The following PPP2R1A variants were observed in gnomAD, a reference collection of about 807,000 sequenced individuals.
PPP2R1A encodes the protein serine/threonine-protein phosphatase 2A 65 kDa regulatory subunit A alpha isoform.
A neutral mutation model predicts 67.1 loss-of-function variants in PPP2R1A; 15 were observed. The observed-to-expected ratio is 0.22, with a 90% CI of 0.15 to 0.34. The LOEUF is 0.34. Among genes scored for constraint, PPP2R1A ranks in the 10% least tolerant of loss-of-function variants. PPP2R1A has a pLI of 1.00. For synonymous variants in PPP2R1A, 337 were observed against 325.0 expected, an observed-to-expected ratio of 1.04 and a Z score of -0.40; for missense variants, 369 against 775.0, an observed-to-expected ratio of 0.48 and a Z score of 6.22.
rs2089677066 is a variant in PPP2R1A at position 52,212,259 on chromosome 19, A to G, written c.504-427A>G. 6.6e-6 allele frequency among the ~76,000 whole-genome samples: 1 copy of G among 152,026 alleles called. No individual in the cohort carries two copies. Among genetic ancestry groups the G allele is most frequent in the African/African-American group, 2.4e-5 (1 of 41,386 alleles). ...CAACACCACGCTGGGCTCATTTTTT[A>G]TTTTTGGCAGAGATGGGGTCTCACT... On this transcript the variant is annotated intron_variant, in intron 4 of 14. Coordinates refer to ENST00000322088, the MANE Select transcript of PPP2R1A (RefSeq NM_014225.6). This position sits in a 1 kb window ranked among gnomAD's most constrained non-coding sequence, Gnocchi z 4.1.
In PPP2R1A at chr19:52,226,060, G is replaced by C; in HGVS notation, c.*79G>C. On this transcript the variant is annotated 3_prime_UTR_variant, in exon 15 of 15. Transcript: ENST00000322088. ...AGTCCCTCTTTGGGGAGACACTGGG[G>C]GGCCTTTGGCTGTCACTCCCTGTGC... is the stretch of plus-strand genomic sequence containing the variant. 1.2e-6 allele frequency: 2 copies of C among 1,607,542 alleles called. No individual in the cohort carries two copies. Among genetic ancestry groups the C allele is most frequent in the South Asian group, 2.2e-5 (2 of 90,888 alleles).
intron 10 of PPP2R1A, 122 bp from the exon 11 acceptor site, chr19:52,220,067 G>T: frequency 7.8e-7 from 1 of 1,279,320 alleles, no homozygotes; most frequent in Admixed American, 1.9e-5. Context: ...GAGCACCTCA[G>T]ACAAAGTTGA....
rs1486590815 is a variant in PPP2R1A at position 52,202,045 on chromosome 19, G to T, written c.169+11G>T. Reference sequence around the variant, plus strand: ...TGCCTTTCCTTACAGGTAACAAAGGGGACCCCTGGGGCCCAGATGTGGGGA... The same window carrying T: ...TGCCTTTCCTTACAGGTAACAAAGGTGACCCCTGGGGCCCAGATGTGGGGA... On this transcript the variant is annotated intron_variant, in intron 2 of 14. Transcript: ENST00000322088. The T allele has an allele frequency of 6.2e-7, 1 of 1,611,630 alleles. No homozygotes were observed. Among genetic ancestry groups the T allele is most frequent in the Admixed American group, 1.7e-5 (1 of 60,018 alleles).
At position 52,212,918 on chromosome 19, in the gene PPP2R1A, C is replaced by T. The variant is rs767856334; in HGVS notation, c.652-37C>T. The T allele has an allele frequency of 2.0e-5, 32 of 1,568,540 alleles. No individual in the cohort carries two copies. Among genetic ancestry groups the T allele is most frequent in the Non-Finnish European group, 2.7e-5 (31 of 1,156,118 alleles). On this transcript the variant is annotated intron_variant, in intron 5 of 14. Coordinates refer to ENST00000322088, the MANE Select transcript of PPP2R1A (RefSeq NM_014225.6). This position sits in a 1 kb window ranked among gnomAD's most constrained non-coding sequence, Gnocchi z 4.1. Reference sequence around the variant, plus strand: ...AGAGAATCCCAGAGCTCAGCAAGGCCTCTGCTGCCCTCCCACTGTTCCTCT... The same window carrying T: ...AGAGAATCCCAGAGCTCAGCAAGGCTTCTGCTGCCCTCCCACTGTTCCTCT...
intron 10 of PPP2R1A, 86 bp from the exon 11 acceptor site, chr19:52,220,103 G>A (rs919104386): frequency 1.4e-6 from 2 of 1,443,830 alleles, no homozygotes; most frequent in Non-Finnish European, 1.9e-6. Flanking sequence ...TCTAGGGTGG[G>A]TGTAGGTTCC....
intron 6 of PPP2R1A, among the ~76,000 whole-genome samples, chr19:52,214,157 A>G (rs1189082392): frequency 6.6e-6 from 1 of 152,082 alleles, no homozygotes; most frequent in Non-Finnish European, 1.5e-5. Context: ...CAGCCAGAGG[A>G]CAAAGAACCC....
chr19:52,193,407 CTG>C (rs1034067695), intron 1 of PPP2R1A, among the ~76,000 whole-genome samples: 2 of 152,196 alleles, frequency 1.3e-5, no homozygotes, highest in African/African-American at 2.4e-5. Context: ...GTGCCAGACT[CTG>C]TTTTAGATAC....
chr19:52,207,819 C>T (rs752929807), intron 3 of PPP2R1A, among the ~76,000 whole-genome samples: 4 of 152,126 alleles, frequency 2.6e-5, no homozygotes, highest in Admixed American at 1.3e-4. Flanking sequence ...TTCTTAGCCA[C>T]TCCTATGTGC....
At chr19:52,224,066 C>CT (rs1020900228) in intron 13 of PPP2R1A, among the ~76,000 whole-genome samples, 1 of 152,200 alleles carries the variant, frequency 6.6e-6, no homozygotes, top group African/African-American at 2.4e-5. Flanking sequence ...ACAGGTGACT[C>CT]TCACAGATAC....
chr19:52,225,813 G>C lies in PPP2R1A; in HGVS notation c.1753+5G>C. The C allele has an allele frequency of 6.2e-7, 1 of 1,613,688 alleles. No individual in the cohort carries two copies. Among genetic ancestry groups the C allele is most frequent in the Non-Finnish European group, 8.5e-7 (1 of 1,179,562 alleles). On this transcript the variant is annotated splice_donor_5th_base_variant and intron_variant, in intron 14 of 14. Coordinates refer to ENST00000322088, the MANE Select transcript of PPP2R1A (RefSeq NM_014225.6). ...TTGCCCAGGAGGCTCTGACTGGTAA[G>C]ACCTAGAAAGCACGGAGCCCTAGCA...
At chr19:52,194,098 A>AAAAAAAAAAAAAAAAAAAGAAC (rs2089477957) in intron 1 of PPP2R1A, among the ~76,000 whole-genome samples, 1 of 151,078 alleles carries the variant, frequency 6.6e-6, no homozygotes, top group Non-Finnish European at 1.5e-5. Flanking sequence ...CAAAAAAAAA[A>AAAAAAAAAAAAAAAAAAAGAAC]AAAAAAAAAA....
Position 52,216,529 on chromosome 19 carries a change from G to A in PPP2R1A, c.994G>A (p.Glu332Lys). The A allele has an allele frequency of 6.2e-7, 1 of 1,614,114 alleles. No individual in the cohort carries two copies. Among genetic ancestry groups the A allele is most frequent in the Non-Finnish European group, 8.5e-7 (1 of 1,180,028 alleles). Reference sequence around the variant, plus strand: ...TGTGCCTGCCTCTTCTCTCTCCCAGGAGCTGGTGTCCGATGCCAACCAACA... The same window carrying A: ...TGTGCCTGCCTCTTCTCTCTCCCAGAAGCTGGTGTCCGATGCCAACCAACA... ...IMSQILPCIKELVSDANQHVK... is the reference protein window; with the variant it reads ...IMSQILPCIKKLVSDANQHVK... The change falls in exon 9 of 15, where the codon GAG becomes AAG. Residue 332 changes from glutamate (E) to lysine (K), a missense_variant and splice_region_variant. Glu to Lys is a moderately conservative substitution (Grantham distance 56). Coordinates refer to ENST00000322088, the MANE Select transcript of PPP2R1A (RefSeq NM_014225.6). The surrounding 1 kb of genome is among the most constrained non-coding windows in gnomAD (Gnocchi z 4.3).
intron 3 of PPP2R1A, 66 bp downstream of exon 3, chr19:52,206,129 G>C: frequency 7.1e-7 from 1 of 1,403,942 alleles, no homozygotes; most frequent in Non-Finnish European, 1.0e-6. Flanking sequence ...TGCCGGCCTA[G>C]GGCAGGGAGG....
chr19:52,198,927 CAAT>C (rs1237489650), intron 1 of PPP2R1A, among the ~76,000 whole-genome samples: 1 of 152,192 alleles, frequency 6.6e-6, no homozygotes, highest in African/African-American at 2.4e-5. Context: ...ACGTAGCAAA[CAAT>C]AAATGTTTGT....
intron 6 of PPP2R1A, among the ~76,000 whole-genome samples, chr19:52,214,577 A>G (rs993005918): frequency 6.6e-6 from 1 of 152,200 alleles, no homozygotes; most frequent in Non-Finnish European, 1.5e-5. Flanking sequence ...CCAAGATATC[A>G]TGAGGTCCTT....
At chr19:52,215,756 C>G in intron 6 of PPP2R1A, 23 bp from the exon 7 acceptor site, 2 of 1,601,282 alleles carry the variant, frequency 1.2e-6, no homozygotes, top group Admixed American at 3.3e-5. Context: ...TCTCACTCTC[C>G]CCCTCCTCCT....
chr19:52,194,909 G>A, intron 1 of PPP2R1A, among the ~76,000 whole-genome samples: 1 of 152,170 alleles, frequency 6.6e-6, no homozygotes, highest in South Asian at 2.1e-4. Flanking sequence ...AAGTCAGCAA[G>A]TGCTAAAGCC....
Position 52,213,252 on chromosome 19 carries a change from G to GC in PPP2R1A, c.807+143dup. On this transcript the variant is annotated intron_variant, in intron 6 of 14. Transcript: ENST00000322088. This position sits in a 1 kb window ranked among gnomAD's most constrained non-coding sequence, Gnocchi z 4.2. ...ATAAGATCTCTATGATCATCTAACTGCGTCTCGCTTCGTGTGCCAATCCTG... is the reference window on the plus strand; with the variant it reads ...ATAAGATCTCTATGATCATCTAACTGCCGTCTCGCTTCGTGTGCCAATCCTG... 9.0e-7 allele frequency: 1 copy of GC among 1,109,518 alleles called. No individual in the cohort carries two copies. Among genetic ancestry groups the GC allele is most frequent in the Non-Finnish European group, 1.2e-6 (1 of 824,806 alleles). 68.7% of individuals were successfully genotyped at this position (1,109,518 alleles called of 1,614,324 possible).
chr19:52,192,216 C>T (rs941163701), intron 1 of PPP2R1A, among the ~76,000 whole-genome samples: 1 of 151,852 alleles, frequency 6.6e-6, no homozygotes, highest in Non-Finnish European at 1.5e-5. Flanking sequence ...GGCAAGGCCC[C>T]TCTGAGGATG....
Sources: gnomAD v4.1 joint callset for allele counts (sites outside exome capture counted in the v4.1 genomes callset) on GRCh38, gnomAD v4.1.1 for gene constraint, Gnocchi (gnomAD v3.1) non-coding constraint, MANE v1.5 for transcripts, NCBI Gene and HGNC (gene_info 2026-07-23, HGNC 2026-07-21) for gene names.